ALDH5A1: variants seen among roughly 807,000 people sequenced by gnomAD.
The protein encoded by ALDH5A1 is aldehyde dehydrogenase 5 family member A1, also known as succinate-semialdehyde dehydrogenase, mitochondrial.
Under a neutral mutation model 54.7 loss-of-function variants are expected in ALDH5A1, and 33 were observed. That is an observed-to-expected ratio of 0.60 (90% CI 0.46 to 0.81). The LOEUF is 0.81. ALDH5A1 is among the 30% of genes least tolerant of loss of function. The pLI, the probability that ALDH5A1 is intolerant of heterozygous loss-of-function variation, is 0.00. For missense variants in ALDH5A1, 657 were observed against 711.0 expected (o/e 0.92, Z 0.86); for synonymous variants, 294 against 292.7 (o/e 1.00, Z -0.05).
rs1760022232 is a variant in ALDH5A1, at chr6:24,535,184, G to A, written c.*1472G>A. ...GGAAAATGTGAATGAAAGTAGTGCT[G>A]GATGCAATTACTCCTGAACCCCACC... On this transcript the variant is annotated 3_prime_UTR_variant, in exon 10 of 10. Transcript: ENST00000357578. 2 of 152,128 alleles carry A rather than the reference G, an allele frequency of 1.3e-5. No homozygotes were observed. The highest frequency in any genetic ancestry group is 2.4e-5 in the African/African-American group (1 of 41,436). The allele number at this position is 152,128 out of a possible 1,614,324, so 9.4% of individuals were successfully genotyped here. A position where few individuals can be genotyped will look rare whatever the true frequency, so the allele number is the denominator to read the frequency against.
chr6:24,511,574 A>T (rs1382147658), intron 4 of ALDH5A1, among the ~76,000 whole-genome samples: 5 of 151,736 alleles, frequency 3.3e-5, no homozygotes, highest in Non-Finnish European at 5.9e-5. Context: ...CTTGTCTTTG[A>T]GCTTTGACGT....
Position 24,534,593 on chromosome 6 carries a change from C to G in ALDH5A1, c.*881C>G, listed in dbSNP as rs1039392897. 6.6e-6 allele frequency: 1 copy of G among 152,180 alleles called. No homozygotes were observed. Among genetic ancestry groups the G allele is most frequent in the African/African-American group, 2.4e-5 (1 of 41,400 alleles). The allele number at this position is 152,180 out of a possible 1,614,324, so 9.4% of individuals were successfully genotyped here. A position where few individuals can be genotyped will look rare whatever the true frequency, so the allele number is the denominator to read the frequency against. On this transcript the variant is annotated 3_prime_UTR_variant, in exon 10 of 10. Coordinates refer to ENST00000357578, the MANE Select transcript of ALDH5A1 (RefSeq NM_001080.3). ...CATACAGGCCTTACTTAGCTCCTTGCGATACTGTGAGCCAGAGAGAAAGTA... is the reference window on the plus strand; with the variant it reads ...CATACAGGCCTTACTTAGCTCCTTGGGATACTGTGAGCCAGAGAGAAAGTA...
intron 7 of ALDH5A1, 147 bp downstream of exon 7, chr6:24,523,072 G>A: frequency 1.3e-6 from 1 of 748,402 alleles, no homozygotes; most frequent in Non-Finnish European, 2.1e-6. Flanking sequence ...AATAAGCTCT[G>A]GTGTTCTACA....
intron 1 of ALDH5A1, among the ~76,000 whole-genome samples, chr6:24,495,971 G>C (rs1279740473): frequency 6.6e-6 from 1 of 152,218 alleles, no homozygotes; most frequent in Non-Finnish European, 1.5e-5. Flanking sequence ...TTGGGAGTAA[G>C]GGGTGGAGGG....
rs770884090 is a variant in ALDH5A1 at position 24,504,935 on chromosome 6, G to T, written c.676G>T (p.Val226Leu). 8 of 1,614,228 alleles carry T rather than the reference G, an allele frequency of 5.0e-6. No individual in the cohort carries two copies. The highest frequency in any genetic ancestry group is 6.8e-6 in the Non-Finnish European group (8 of 1,180,036). ...GAALAAGCTV[V>L]VKPAEDTPFS... ...CGCCCTGGCAGCCGGCTGTACTGTC[G>T]TGGTGAAGCCTGCCGAAGACACGCC... Residue 226 changes from valine (V) to leucine (L), a missense_variant, in exon 4 of 10, where the codon GTG becomes TTG. Val to Leu is a conservative substitution (Grantham distance 32). Transcript: ENST00000357578.
chr6:24,495,035 G>A lies in ALDH5A1; in HGVS notation c.39G>A (p.Arg13=). The part of the protein sequence containing the change: ...TCIWLRSCGA[R]RLGSTFPGCR... ...TTTGGCTGCGGAGCTGTGGGGCCCGGCGCCTCGGGTCGACGTTTCCAGGCT... is the reference window on the plus strand; with the variant it reads ...TTTGGCTGCGGAGCTGTGGGGCCCGACGCCTCGGGTCGACGTTTCCAGGCT... The change falls in exon 1 of 10, where the codon CGG becomes CGA. Residue 13 remains arginine, a synonymous_variant. Transcript: ENST00000357578. 7.4e-7 allele frequency: 1 copy of A among 1,349,612 alleles called. No individual in the cohort carries two copies. The highest frequency in any genetic ancestry group is 2.2e-5 in the South Asian group (1 of 44,926). The allele number at this position is 1,349,612 out of a possible 1,614,324, so 83.6% of individuals were successfully genotyped here. A position where few individuals can be genotyped will look rare whatever the true frequency, so the allele number is the denominator to read the frequency against.
chr6:24,511,320 A>C (rs530567608), intron 4 of ALDH5A1, among the ~76,000 whole-genome samples: 1 of 152,264 alleles, frequency 6.6e-6, no homozygotes, highest in Non-Finnish European at 1.5e-5. Context: ...TTTTGTGATG[A>C]ATTTCCCAGG....
chr6:24,533,925 C>G lies in ALDH5A1; in HGVS notation c.*213C>G. 1.9e-6 allele frequency: 1 copy of G among 520,654 alleles called. No homozygotes were observed. Among genetic ancestry groups the G allele is most frequent in the Admixed American group, 3.2e-5 (1 of 31,072 alleles). The allele number at this position is 520,654 out of a possible 1,614,324, so 32.3% of individuals were successfully genotyped here. On this transcript the variant is annotated 3_prime_UTR_variant, in exon 10 of 10. Coordinates refer to ENST00000357578, the MANE Select transcript of ALDH5A1 (RefSeq NM_001080.3). ...TGCCACGTGCCTGTGGCTGCAGACTCCCAGAGAACCAGCACTGGGTTTACA... is the reference window on the plus strand; with the variant it reads ...TGCCACGTGCCTGTGGCTGCAGACTGCCAGAGAACCAGCACTGGGTTTACA...
At chr6:24,532,830 G>A (rs1157667550) in intron 9 of ALDH5A1, among the ~76,000 whole-genome samples, 1 of 152,092 alleles carries the variant, frequency 6.6e-6, no homozygotes, top group Non-Finnish European at 1.5e-5. Flanking sequence ...ATGCTATGAG[G>A]TCCCTTAGAG....
At chr6:24,499,850 G>A (rs12190926) in intron 1 of ALDH5A1, among the ~76,000 whole-genome samples, 49,715 of 151,552 alleles carry the variant, frequency 0.33, 8,484 homozygotes, top group African/African-American at 0.39. Context: ...TAGTAGAGAC[G>A]GGGTTTCACC....
chr6:24,523,443 T>G (rs1226972151), intron 7 of ALDH5A1, among the ~76,000 whole-genome samples: 1 of 152,150 alleles, frequency 6.6e-6, no homozygotes, highest in Non-Finnish European at 1.5e-5. Flanking sequence ...CTGAGAAAAG[T>G]GAATTCTGCC....
At chr6:24,511,983 G>A in intron 4 of ALDH5A1, 2 of 422,360 alleles carry the variant, frequency 4.7e-6, no homozygotes, top group Non-Finnish European at 8.4e-6. Context: ...AAGGTCTAGG[G>A]CTGAAGGCTG....
chr6:24,530,941 G>A (rs1365790010), intron 8 of ALDH5A1, among the ~76,000 whole-genome samples: 3 of 152,202 alleles, frequency 2.0e-5, no homozygotes, highest in African/African-American at 4.8e-5. Flanking sequence ...GGGTGGTCTC[G>A]AGCTCGCTCT....
chr6:24,516,575 TTATATC>T (rs1361245104), intron 5 of ALDH5A1, among the ~76,000 whole-genome samples: 3 of 152,126 alleles, frequency 2.0e-5, no homozygotes, highest in Non-Finnish European at 2.9e-5. Context: ...TTCTACTAGT[TTATATC>T]TAGATATACA....
chr6:24,508,090 C>G (rs958715421), intron 4 of ALDH5A1, among the ~76,000 whole-genome samples: 1 of 151,962 alleles, frequency 6.6e-6, no homozygotes, highest in Non-Finnish European at 1.5e-5. Flanking sequence ...CCAGGCCAGG[C>G]GCGGTGGCTC....
chr6:24,514,848 C>A (rs2817230), intron 4 of ALDH5A1, among the ~76,000 whole-genome samples: 3 of 152,072 alleles, frequency 2.0e-5, no homozygotes, highest in African/African-American at 7.2e-5. Flanking sequence ...CCTTGGCTCA[C>A]TGCAACCTCC....
At chr6:24,497,854 G>A (rs977701341) in intron 1 of ALDH5A1, among the ~76,000 whole-genome samples, 2 of 152,146 alleles carry the variant, frequency 1.3e-5, no homozygotes, top group Admixed American at 6.6e-5. Flanking sequence ...GATATGATCT[G>A]ATTTACATTT....
rs1764671047 is a variant in ALDH5A1 at position 24,495,255 on chromosome 6, C to G, written c.259C>G (p.Leu87Val). 13 of 1,529,600 alleles carry G rather than the reference C, an allele frequency of 8.5e-6. No homozygotes were observed. The highest frequency in any genetic ancestry group is 2.8e-5 in the African/African-American group (2 of 72,086). The allele number at this position is 1,529,600 out of a possible 1,614,324, so 94.8% of individuals were successfully genotyped here. The change falls in exon 1 of 10, where the codon CTG (leucine) becomes GTG (valine). Residue 87 changes from leucine (L) to valine (V), a missense_variant. By Grantham distance (32) the Leu-to-Val change is conservative. This residue lies in a region of ALDH5A1 where 232 missense variants were observed against 194.6 expected (regional missense o/e 1.19). Coordinates refer to ENST00000357578, the MANE Select transcript of ALDH5A1 (RefSeq NM_001080.3). ...PVQDPASGAA[L>V]GMVADCGVRE... ...GCAAGACCCGGCCAGCGGCGCCGCT[C>G]TGGGCATGGTAGCCGACTGCGGGGT...
intron 4 of ALDH5A1, among the ~76,000 whole-genome samples, 163 bp downstream of exon 4, chr6:24,505,148 C>A (rs1759312713): frequency 1.3e-5 from 2 of 152,344 alleles, no homozygotes; most frequent in South Asian, 4.1e-4. Context: ...TCAGCTGTAG[C>A]TCTTTTGGGA....
Sources: allele counts gnomAD v4.1 joint callset (sites outside exome capture counted in the v4.1 genomes callset), GRCh38; gene constraint gnomAD v4.1.1; regional missense constraint gnomAD v4.1.1; transcripts MANE v1.5; gene names NCBI Gene and HGNC (gene_info 2026-07-23, HGNC 2026-07-21).